Variants in ULK4 observed in about 807,000 individuals in gnomAD.
ULK4 encodes inactive serine/threonine-protein kinase ULK4.
Under a neutral mutation model 160.6 loss-of-function variants are expected in ULK4, and 133 were observed. The ratio of observed to expected loss-of-function variants is 0.83; its 90% CI spans 0.72 to 0.96. ULK4 has a LOEUF of 0.96. Ranked by LOEUF, ULK4 falls within the 40% of genes least tolerant of loss-of-function variation. The pLI, the probability that ULK4 is intolerant of heterozygous loss-of-function variation, is 0.00. For missense variants in ULK4, 1,580 were observed against 1,499.5 expected, an observed-to-expected ratio of 1.05 and a Z score of -0.89; for synonymous variants, 534 against 539.8, an observed-to-expected ratio of 0.99 and a Z score of 0.15.
chr3:41,446,357 C>T (rs1337106218), intron 34 of ULK4, among the ~76,000 whole-genome samples: 1 of 151,938 alleles, frequency 6.6e-6, no homozygotes, highest in East Asian at 1.9e-4. Flanking sequence ...ACCATTTGAC[C>T]CAGCCATCCC....
At chr3:41,364,851 C>A (rs2081223536) in intron 35 of ULK4, among the ~76,000 whole-genome samples, 2 of 152,098 alleles carry the variant, frequency 1.3e-5, no homozygotes, top group African/African-American at 4.8e-5. Context: ...TCAATAATCA[C>A]CCTTCTGGAT....
intron 19 of ULK4, among the ~76,000 whole-genome samples, chr3:41,803,171 C>CAAAA (rs60309572): frequency 3.7e-5 from 5 of 136,102 alleles, no homozygotes; most frequent in Non-Finnish European, 6.3e-5. Flanking sequence ...GACTCCATCT[C>CAAAA]AAAAAAAAAA....
intron 35 of ULK4, among the ~76,000 whole-genome samples, chr3:41,261,226 G>A (rs2078935215): frequency 6.6e-6 from 1 of 152,186 alleles, no homozygotes; most frequent in Non-Finnish European, 1.5e-5. Flanking sequence ...TTTGCGTCAA[G>A]AAAGGAAATT....
chr3:41,581,220 G>A (rs1290718106), intron 31 of ULK4, among the ~76,000 whole-genome samples: 3 of 152,102 alleles, frequency 2.0e-5, no homozygotes, highest in Admixed American at 6.5e-5. Context: ...TTACCATAAA[G>A]TCCAACTTCA....
chr3:41,364,818 A>C (rs2081222189), intron 35 of ULK4, among the ~76,000 whole-genome samples: 3 of 152,328 alleles, frequency 2.0e-5, no homozygotes, highest in Middle Eastern at 3.4e-3. Context: ...TGAAACTCTC[A>C]GATACAAATC....
At chr3:41,533,215 G>A (rs2086382393) in intron 32 of ULK4, among the ~76,000 whole-genome samples, 4 of 151,882 alleles carry the variant, frequency 2.6e-5, no homozygotes, top group Admixed American at 2.6e-4. Context: ...AGACCATGCT[G>A]CCAAAGCACA....
intron 32 of ULK4, among the ~76,000 whole-genome samples, chr3:41,547,957 T>C (rs963766698): frequency 1.3e-5 from 2 of 152,152 alleles, no homozygotes; most frequent in Non-Finnish European, 2.9e-5. Context: ...TGCCTGGGGA[T>C]GCTGCCACCA....
At chr3:41,869,556 G>C (rs1486972378) in intron 17 of ULK4, among the ~76,000 whole-genome samples, 2 of 151,998 alleles carry the variant, frequency 1.3e-5, no homozygotes, top group Non-Finnish European at 2.9e-5. Flanking sequence ...CTCCAGCCTG[G>C]GTGACCGGGT....
At chr3:41,265,760 C>T (rs986824924) in intron 35 of ULK4, among the ~76,000 whole-genome samples, 3 of 152,114 alleles carry the variant, frequency 2.0e-5, no homozygotes, top group Admixed American at 6.6e-5. Context: ...GCTTTGAGGA[C>T]GTTTTTTGCG....
At chr3:41,859,525 A>G (rs890590711) in intron 17 of ULK4, 5 of 546,196 alleles carry the variant, frequency 9.2e-6, no homozygotes, top group African/African-American at 5.8e-5. Flanking sequence ...AAACCAAGGC[A>G]CCAAGAAGCC....
At chr3:41,302,211 TAA>T (rs1446239173) in intron 35 of ULK4, among the ~76,000 whole-genome samples, 2 of 152,240 alleles carry the variant, frequency 1.3e-5, no homozygotes, top group Admixed American at 6.5e-5. Flanking sequence ...TATAACTTTT[TAA>T]AAGTCATTTT....
chr3:41,295,218 T>TGCTAGCA (rs1321658029), intron 35 of ULK4, among the ~76,000 whole-genome samples: 13 of 75,798 alleles, frequency 1.7e-4, no homozygotes, highest in South Asian at 4.7e-4. Context: ...TTTCAAGAAA[T>TGCTAGCA]AGTGTTGGAA....
At chr3:41,841,457 G>T (rs534810892) in intron 17 of ULK4, among the ~76,000 whole-genome samples, 8 of 150,512 alleles carry the variant, frequency 5.3e-5, no homozygotes, top group African/African-American at 2.0e-4. Context: ...CTGCCCGGCC[G>T]CCCCGTCTGG....
rs191946618 is a variant in ULK4 at position 41,253,486 on chromosome 3, A to T, written c.3679-3912T>A. Among the ~76,000 whole-genome samples the T allele has an allele frequency of 3.3e-5, 5 of 152,092 alleles. No individual in the cohort carries two copies. The East Asian group carries it at 9.6e-4, about 29-fold the overall frequency. On this transcript the variant is annotated intron_variant, in intron 35 of 36. Transcript: ENST00000301831. ...TTAAGTATTTTATAACTCCAAGAGC[A>T]ACCACTTAAAAAAATTATACAAAGA...
chr3:41,957,592 A>T (rs1392907323), intron 1 of ULK4, among the ~76,000 whole-genome samples: 2 of 152,094 alleles, frequency 1.3e-5, no homozygotes, highest in Non-Finnish European at 2.9e-5. Flanking sequence ...TCGCACCTAT[A>T]ATCTCACCCC....
intron 30 of ULK4, among the ~76,000 whole-genome samples, chr3:41,648,007 A>G (rs1394150724): frequency 6.6e-6 from 1 of 152,182 alleles, no homozygotes; most frequent in East Asian, 1.9e-4. Context: ...AGCCAGGTGC[A>G]GGATATAATC....
At chr3:41,789,179 T>C (rs1256511149) in intron 21 of ULK4, among the ~76,000 whole-genome samples, 1 of 152,156 alleles carries the variant, frequency 6.6e-6, no homozygotes, top group East Asian at 1.9e-4. Context: ...CTCTACTGTA[T>C]ATATAATAAA....
At chr3:41,786,824 TA>T (rs1333206433) in intron 21 of ULK4, among the ~76,000 whole-genome samples, 1 of 151,762 alleles carries the variant, frequency 6.6e-6, no homozygotes, top group Non-Finnish European at 1.5e-5. Flanking sequence ...ATAAAACAAA[TA>T]TAAGATGACA....
In ULK4 at chr3:41,925,823, C is replaced by A. The variant is rs557361342; in HGVS notation, c.542-6005G>T. The stretch of plus-strand genomic sequence containing the variant: ...CTGGGTGGAGCCCACTGCAGCATCT[C>A]TGAAAAAAAAAGGCAGCAGCCCCAG... On this transcript the variant is annotated intron_variant, in intron 5 of 36. Coordinates refer to ENST00000301831, the MANE Select transcript of ULK4 (RefSeq NM_017886.4). Among the ~76,000 whole-genome samples, 149 of 151,834 alleles carry A rather than the reference C, an allele frequency of 9.8e-4. 1 individual carries two copies. The highest frequency in any genetic ancestry group is 3.4e-3 in the African/African-American group (142 of 41,412).
Sources: allele counts gnomAD v4.1 joint callset (sites outside exome capture counted in the v4.1 genomes callset), GRCh38; gene constraint gnomAD v4.1.1; transcripts MANE v1.5; gene names NCBI Gene and HGNC (gene_info 2026-07-23, HGNC 2026-07-21).